The following PRKCA variants were observed in gnomAD, a reference collection of about 807,000 sequenced individuals.
PRKCA encodes the protein protein kinase C alpha type.
In PRKCA, 27 loss-of-function variants were observed where a neutral mutation model predicts 87.0. The ratio of observed to expected loss-of-function variants is 0.31; its 90% CI spans 0.23 to 0.43. The LOEUF (loss-of-function observed/expected upper bound fraction) is 0.43. PRKCA is among the 20% of genes least tolerant of loss of function. PRKCA has a pLI of 1.00. For synonymous variants in PRKCA, 329 were observed against 311.1 expected, an observed-to-expected ratio of 1.06 and a Z score of -0.61; for missense variants, 518 against 852.3, an observed-to-expected ratio of 0.61 and a Z score of 4.88.
chr17:66,710,556 C>T (rs1973298713), intron 8 of PRKCA, among the ~76,000 whole-genome samples: 1 of 152,122 alleles, frequency 6.6e-6, no homozygotes, highest in Non-Finnish European at 1.5e-5. Flanking sequence ...CAGCCTGCAG[C>T]CATGCTCTCC....
chr17:66,718,653 C>A lies in PRKCA; in HGVS notation c.919-14035C>A, dbSNP rs138821790. Among the ~76,000 whole-genome samples, 243 of 152,194 alleles carry A rather than the reference C, an allele frequency of 1.6e-3. 2 individuals carry two copies. The highest frequency in any genetic ancestry group is 5.7e-3 in the African/African-American group (235 of 41,532). ...GGCCTCTTTTATAAGGGCACTAATC[C>A]CATTCGTGAGGGATCCACCCTCATG... is the stretch of plus-strand genomic sequence containing the variant. On this transcript the variant is annotated intron_variant, in intron 8 of 16. Coordinates refer to ENST00000413366, the MANE Select transcript of PRKCA (RefSeq NM_002737.3).
Position 66,475,326 on chromosome 17 carries a change from C to T in PRKCA, c.206-20875C>T, listed in dbSNP as rs1915493896. ...AATGCAGTCTCTTCTCCTAGTAGCT[C>T]TTTTGGCAGCCATGGCACCTCATTA... is the stretch of plus-strand genomic sequence containing the variant. On this transcript the variant is annotated intron_variant, in intron 2 of 16. Transcript: ENST00000413366. Among the ~76,000 whole-genome samples, 3 of 152,068 alleles carry T rather than the reference C, an allele frequency of 2.0e-5. No individual in the cohort carries two copies. In the South Asian group the frequency reaches 6.2e-4, roughly 32 times the overall value.
rs1976068847 is a variant in PRKCA at position 66,807,909 on chromosome 17, G to A, written c.*3872G>A. 1 of 152,360 alleles carries A rather than the reference G, an allele frequency of 6.6e-6. No homozygotes were observed. Among genetic ancestry groups the A allele is most frequent in the African/African-American group, 2.4e-5 (1 of 41,426 alleles). 9.4% of individuals were successfully genotyped at this position (152,360 alleles called of 1,614,324 possible). A position where few individuals can be genotyped will look rare whatever the true frequency, so the allele number is the denominator to read the frequency against. On this transcript the variant is annotated 3_prime_UTR_variant, in exon 17 of 17. Coordinates refer to ENST00000413366, the MANE Select transcript of PRKCA (RefSeq NM_002737.3). This position sits in a 1 kb window ranked among gnomAD's most constrained non-coding sequence, Gnocchi z 4.3. ...AAATATGCCTGCAGTAGGAGGGAGA[G>A]GAAGGGGTGCCACCGTCAACGGCTT...
chr17:66,503,764 A>C (rs1916854148), intron 3 of PRKCA, among the ~76,000 whole-genome samples: 1 of 152,220 alleles, frequency 6.6e-6, no homozygotes, highest in Admixed American at 6.5e-5. Context: ...AAAATTCAGC[A>C]TTTCAAAGAT....
intron 2 of PRKCA, among the ~76,000 whole-genome samples, chr17:66,411,092 G>A (rs1431428435): frequency 3.3e-5 from 5 of 151,940 alleles, no homozygotes; most frequent in Non-Finnish European, 7.4e-5. Flanking sequence ...TTGTTTTGGG[G>A]ACAGGGTCTT....
intron 2 of PRKCA, among the ~76,000 whole-genome samples, chr17:66,382,044 A>T (rs1173004360): frequency 1.3e-5 from 2 of 152,126 alleles, no homozygotes; most frequent in Non-Finnish European, 2.9e-5. Flanking sequence ...TGTCACCATT[A>T]TGGGAAACTT....
At chr17:66,516,529 A>C (rs1270291749) in intron 3 of PRKCA, among the ~76,000 whole-genome samples, 2 of 151,964 alleles carry the variant, frequency 1.3e-5, no homozygotes, top group Non-Finnish European at 2.9e-5. Flanking sequence ...GCTACTTGGG[A>C]GGTTGAGGCT....
At chr17:66,474,755 T>G (rs753571149) in intron 2 of PRKCA, among the ~76,000 whole-genome samples, 7 of 152,214 alleles carry the variant, frequency 4.6e-5, no homozygotes, top group Non-Finnish European at 1.0e-4. Context: ...CTCAATGTGG[T>G]TGAATTCGGT....
intron 8 of PRKCA, among the ~76,000 whole-genome samples, chr17:66,700,907 A>C (rs1973043576): frequency 6.6e-6 from 1 of 152,196 alleles, no homozygotes; most frequent in South Asian, 2.1e-4. Flanking sequence ...TCCTTATCAA[A>C]ATGCCAATTA....
intron 8 of PRKCA, among the ~76,000 whole-genome samples, chr17:66,704,660 C>T (rs190247424): frequency 7.6e-4 from 116 of 152,314 alleles, no homozygotes; most frequent in Admixed American, 1.8e-3. Flanking sequence ...CCAGATACTA[C>T]AGGAAGTATC....
intron 3 of PRKCA, among the ~76,000 whole-genome samples, chr17:66,583,466 T>G (rs1013962065): frequency 2.0e-5 from 3 of 152,182 alleles, no homozygotes; most frequent in South Asian, 2.1e-4. Flanking sequence ...TAAAGTGATG[T>G]CCTGAAGGAA....
At position 66,404,446 on chromosome 17, in the gene PRKCA, G is replaced by A. The variant is rs1271389504; in HGVS notation, c.206-91755G>A. Among the ~76,000 whole-genome samples the A allele has an allele frequency of 3.3e-5, 5 of 152,116 alleles. No homozygotes were observed. In the East Asian group the frequency reaches 5.8e-4, roughly 18 times the overall value. On this transcript the variant is annotated intron_variant, in intron 2 of 16. Coordinates refer to ENST00000413366, the MANE Select transcript of PRKCA (RefSeq NM_002737.3). ...TTACGCTGCCCAAAGTGCCAAGGGC[G>A]GTTGGGTACTATTCTTAGTGTTTAT... is the stretch of plus-strand genomic sequence containing the variant.
intron 2 of PRKCA, among the ~76,000 whole-genome samples, chr17:66,345,024 C>A (rs1907273116): frequency 6.6e-6 from 1 of 152,120 alleles, no homozygotes; most frequent in Non-Finnish European, 1.5e-5. Context: ...TATGTAATGC[C>A]CCTGCATATG....
At chr17:66,795,436 C>T (rs538806834) in intron 16 of PRKCA, among the ~76,000 whole-genome samples, 5 of 152,352 alleles carry the variant, frequency 3.3e-5, no homozygotes, top group African/African-American at 1.2e-4. Flanking sequence ...CTACAGAAGT[C>T]ACATCATGCT....
intron 3 of PRKCA, among the ~76,000 whole-genome samples, chr17:66,609,290 A>C (rs191777810): frequency 9.2e-5 from 14 of 152,134 alleles, no homozygotes; most frequent in Admixed American, 2.6e-4. Flanking sequence ...CTTTTCAAAC[A>C]TAGGTTACGG....
intron 3 of PRKCA, among the ~76,000 whole-genome samples, chr17:66,579,751 G>A (rs1969361274): frequency 6.6e-6 from 1 of 152,204 alleles, no homozygotes. Context: ...GGGCCATGGA[G>A]ATGGTTTAGG....
At position 66,775,546 on chromosome 17, in the gene PRKCA, T is replaced by G. The variant is rs572717906; in HGVS notation, c.1605+1479T>G. 9.6e-5 allele frequency: 95 copies of G among 985,442 alleles called. No individual in the cohort carries two copies. The Middle Eastern group carries it at 2.1e-3, about 22-fold the overall frequency. The allele number at this position is 985,442 out of a possible 1,614,324, so 61.0% of individuals were successfully genotyped here. On this transcript the variant is annotated intron_variant, in intron 14 of 16. Coordinates refer to ENST00000413366, the MANE Select transcript of PRKCA (RefSeq NM_002737.3). ...CTCTGCCTTATACTAAACATGATTC[T>G]GCCGTGGGCAGCTTTTTATAATTCC...
intron 2 of PRKCA, among the ~76,000 whole-genome samples, chr17:66,372,273 C>T (rs1375163778): frequency 1.3e-5 from 2 of 152,142 alleles, no homozygotes; most frequent in African/African-American, 4.8e-5. Context: ...GCTTATAGTT[C>T]CTTGACAATG....
At chr17:66,421,495 G>T in intron 2 of PRKCA, among the ~76,000 whole-genome samples, 1 of 125,438 alleles carries the variant, frequency 8.0e-6, no homozygotes, top group South Asian at 3.1e-4. Flanking sequence ...AGATAGCTCT[G>T]AAATTTTCTT....
Sources: gnomAD v4.1 joint callset for allele counts (sites outside exome capture counted in the v4.1 genomes callset) on GRCh38, gnomAD v4.1.1 for gene constraint, Gnocchi (gnomAD v3.1) non-coding constraint, MANE v1.5 for transcripts, NCBI Gene and HGNC (gene_info 2026-07-23, HGNC 2026-07-21) for gene names.